Variants in SLC5A12 observed in about 807,000 individuals in gnomAD.
The protein encoded by SLC5A12 is solute carrier family 5 member 12.
A neutral mutation model predicts 72.7 loss-of-function variants in SLC5A12; 46 were observed. The observed-to-expected ratio is 0.63, with a 90% confidence interval of 0.50 to 0.81. The LOEUF is 0.81. Among genes scored for constraint, SLC5A12 ranks in the 30% least tolerant of loss-of-function variants. The pLI, the probability that SLC5A12 is intolerant of heterozygous loss-of-function variation, is 0.00. For missense variants in SLC5A12, 683 were observed against 740.7 expected (o/e 0.92, Z 0.90); for synonymous variants, 275 against 264.4 (o/e 1.04, Z -0.39).
At chr11:26,692,724 C>T (rs1008296360) in intron 8 of SLC5A12, 123 bp from the exon 9 acceptor site, 1 of 619,968 alleles carries the variant, frequency 1.6e-6, no homozygotes. Flanking sequence ...AGATATATCT[C>T]TATCTTCTGA....
At chr11:26,678,642 A>C (rs1250927424) in intron 13 of SLC5A12, 70 bp downstream of exon 13, 10 of 1,122,654 alleles carry the variant, frequency 8.9e-6, no homozygotes, top group Non-Finnish European at 1.2e-5. Context: ...AATAAGACAG[A>C]CAGCCAGTCC....
chr11:26,673,368 A>G (rs1446709088), intron 14 of SLC5A12, 34 bp downstream of exon 14: 5 of 1,511,280 alleles, frequency 3.3e-6, no homozygotes, highest in African/African-American at 2.8e-5. Flanking sequence ...CTTTGAGTCC[A>G]TACACATTTT....
At chr11:26,676,262 C>T (rs1033434798) in intron 13 of SLC5A12, among the ~76,000 whole-genome samples, 4 of 151,356 alleles carry the variant, frequency 2.6e-5, no homozygotes, top group Non-Finnish European at 5.9e-5. Context: ...CATTGCTAAC[C>T]AGAGGATCTT....
intron 6 of SLC5A12, among the ~76,000 whole-genome samples, chr11:26,701,947 CCTAA>C (rs1554993952): frequency 6.6e-6 from 1 of 152,104 alleles, no homozygotes; most frequent in Non-Finnish European, 1.5e-5. Context: ...AGACACATTT[CCTAA>C]CTTTCAGGTA....
chr11:26,705,964 A>T (rs867373933), intron 4 of SLC5A12, among the ~76,000 whole-genome samples: 1 of 133,362 alleles, frequency 7.5e-6, no homozygotes, highest in East Asian at 2.2e-4. Context: ...ACACACACAC[A>T]CACACACACA....
chr11:26,691,931 T>G (rs1854685796), intron 9 of SLC5A12: 1 of 152,220 alleles, frequency 6.6e-6, no homozygotes, highest in Non-Finnish European at 1.5e-5. Flanking sequence ...TCAAAGTGAC[T>G]GGCCATAGTA....
At chr11:26,683,022 T>C (rs1020513360) in intron 11 of SLC5A12, among the ~76,000 whole-genome samples, 4 of 152,148 alleles carry the variant, frequency 2.6e-5, no homozygotes, top group African/African-American at 9.7e-5. Flanking sequence ...TCCTATAGTA[T>C]ATACATTAAT....
intron 11 of SLC5A12, 27 bp from the exon 12 acceptor site, chr11:26,681,248 G>A: frequency 6.6e-7 from 1 of 1,523,758 alleles, no homozygotes; most frequent in Non-Finnish European, 8.8e-7. Context: ...AAGGTTAATG[G>A]GAAATTTGGC....
chr11:26,709,192 T>C (rs901536044), intron 4 of SLC5A12, 120 bp downstream of exon 4: 25 of 645,386 alleles, frequency 3.9e-5, no homozygotes, highest in Non-Finnish European at 5.8e-5. Context: ...TAAGCCGACA[T>C]ACTTCTGCTT....
chr11:26,673,824 A>T (rs532732276), intron 13 of SLC5A12, among the ~76,000 whole-genome samples: 3 of 152,178 alleles, frequency 2.0e-5, no homozygotes, highest in Non-Finnish European at 4.4e-5. Context: ...TTTGGCCAAC[A>T]GAGGGGATAG....
chr11:26,675,551 G>C (rs983283714), intron 13 of SLC5A12, among the ~76,000 whole-genome samples: 1 of 152,160 alleles, frequency 6.6e-6, no homozygotes, highest in African/African-American at 2.4e-5. Flanking sequence ...TGAGAAAAGA[G>C]AAGGTCAAAG....
At chr11:26,718,157 C>T (rs561903889) in intron 1 of SLC5A12, among the ~76,000 whole-genome samples, 1 of 152,260 alleles carries the variant, frequency 6.6e-6, no homozygotes, top group East Asian at 1.9e-4. Flanking sequence ...GAAACAGAAA[C>T]TCCAGATACT....
rs775370506 is a variant in SLC5A12, at chr11:26,671,078, G to A, written c.*24C>T. ...GTGTGTGTGTGTATTGCACGTGTGT[G>A]TGTGCATTCATACAGGTATTGCCTT... On this transcript the variant is annotated 3_prime_UTR_variant, in exon 15 of 15. Coordinates refer to ENST00000396005, the MANE Select transcript of SLC5A12 (RefSeq NM_178498.4). The A allele has an allele frequency of 6.4e-7, 1 of 1,573,016 alleles. No homozygotes were observed. Among genetic ancestry groups the A allele is most frequent in the Admixed American group, 1.8e-5 (1 of 56,596 alleles).
rs1854077118 is a variant in SLC5A12, at chr11:26,669,195, C to CTTTCTTTCTTTCTTTCT, written c.*1890_*1906dup. ...TCTTTCTTTCTTTCTTCTTTTCTTT[C>CTTTCTTTCTTTCTTTCT]TTTCTTTCTTTCTTTCTTTCTTTCT... On this transcript the variant is annotated 3_prime_UTR_variant, in exon 15 of 15. Transcript: ENST00000396005. 1.4e-5 allele frequency: 1 copy of CTTTCTTTCTTTCTTTCT among 69,770 alleles called. No individual in the cohort carries two copies. The highest frequency in any genetic ancestry group is 5.1e-4 in the South Asian group (1 of 1,950). The allele number at this position is 69,770 out of a possible 1,614,324, so 4.3% of individuals were successfully genotyped here.
At chr11:26,691,565 A>G (rs1485895857) in intron 9 of SLC5A12, 1 of 152,162 alleles carries the variant, frequency 6.6e-6, no homozygotes, top group East Asian at 1.9e-4. Flanking sequence ...CTGTATAATC[A>G]TTCAAATACC....
At chr11:26,688,512 C>T (rs144786424) in intron 9 of SLC5A12, among the ~76,000 whole-genome samples, 39 of 151,896 alleles carry the variant, frequency 2.6e-4, no homozygotes, top group African/African-American at 8.9e-4. Context: ...CACAAATAAA[C>T]GAAGAAAGGA....
At chr11:26,682,066 T>G (rs564786611) in intron 11 of SLC5A12, among the ~76,000 whole-genome samples, 15 of 151,942 alleles carry the variant, frequency 9.9e-5, no homozygotes, top group African/African-American at 3.1e-4. Flanking sequence ...CAATAAATAT[T>G]TTAGGCTTTG....
At chr11:26,680,951 G>A in intron 12 of SLC5A12, 104 bp downstream of exon 12, 3 of 1,103,216 alleles carry the variant, frequency 2.7e-6, no homozygotes, top group South Asian at 5.5e-5. Context: ...AGTCTCATAA[G>A]AGAACAAGAT....
At chr11:26,711,483 C>T (rs1839469883) in intron 2 of SLC5A12, 125 bp from the exon 3 acceptor site, 5 of 739,756 alleles carry the variant, frequency 6.8e-6, no homozygotes, top group Non-Finnish European at 7.1e-6. Context: ...CATTGCATTC[C>T]TGTTGACTCT....
Sources: allele counts gnomAD v4.1 joint callset (sites outside exome capture counted in the v4.1 genomes callset), GRCh38; gene constraint gnomAD v4.1.1; transcripts MANE v1.5; gene names NCBI Gene and HGNC (gene_info 2026-07-23, HGNC 2026-07-21).